RIT2: variants seen among roughly 807,000 people sequenced by gnomAD.
RIT2 encodes Ras like without CAAX 2, also known as GTP-binding protein Rit2.
Under a neutral mutation model 23.7 loss-of-function variants are expected in RIT2, and 24 were observed. The observed-to-expected ratio is 1.01, with a 90% confidence interval of 0.73 to 1.43. The LOEUF (loss-of-function observed/expected upper bound fraction) is 1.43, where lower values mean the gene tolerates loss of function less well. RIT2 is among the 40% of genes most tolerant of loss of function. The pLI, the probability that RIT2 is intolerant of heterozygous loss-of-function variation, is 0.00. For missense variants in RIT2, 236 were observed against 266.9 expected (o/e 0.88, Z 0.81); for synonymous variants, 107 against 91.1 (o/e 1.17, Z -0.99).
chr18:43,066,290 T>C (rs1010685901), intron 1 of RIT2, among the ~76,000 whole-genome samples: 13 of 152,150 alleles, frequency 8.5e-5, no homozygotes, highest in Non-Finnish European at 1.9e-4. Flanking sequence ...TGATTTATGA[T>C]TGGCTATTTA....
chr18:43,093,977 C>A (rs1241148317), intron 1 of RIT2, among the ~76,000 whole-genome samples: 3 of 151,888 alleles, frequency 2.0e-5, no homozygotes, highest in South Asian at 2.1e-4. Context: ...GTAAGGCAGG[C>A]ACAGAATTTG....
intron 4 of RIT2, among the ~76,000 whole-genome samples, chr18:42,748,182 T>C (rs967076257): frequency 6.6e-6 from 1 of 151,936 alleles, no homozygotes; most frequent in African/African-American, 2.4e-5. Context: ...CTCCAGAGTC[T>C]ATACATTTGA....
chr18:42,883,953 T>C (rs1311149323), intron 4 of RIT2, among the ~76,000 whole-genome samples: 2 of 152,208 alleles, frequency 1.3e-5, no homozygotes, highest in African/African-American at 4.8e-5. Flanking sequence ...TAAAAGTTTG[T>C]AGGTTACTCA....
intron 2 of RIT2, among the ~76,000 whole-genome samples, chr18:42,988,448 A>G (rs1027465923): frequency 2.6e-5 from 4 of 152,164 alleles, no homozygotes; most frequent in African/African-American, 7.2e-5. Flanking sequence ...TTGAGTAAAT[A>G]CATTTCTGAC....
intron 4 of RIT2, among the ~76,000 whole-genome samples, chr18:42,825,973 G>T (rs952539992): frequency 1.1e-4 from 17 of 151,838 alleles, no homozygotes; most frequent in African/African-American, 4.1e-4. Context: ...ATTAATTATT[G>T]CCCTGTGGAT....
intron 3 of RIT2, among the ~76,000 whole-genome samples, chr18:42,929,525 G>T (rs1336275614): frequency 6.6e-6 from 1 of 152,098 alleles, no homozygotes; most frequent in Non-Finnish European, 1.5e-5. Context: ...GAGGCTTGAA[G>T]GGTACTTGGA....
chr18:42,895,680 A>T (rs1337191689), intron 4 of RIT2, among the ~76,000 whole-genome samples: 1 of 152,060 alleles, frequency 6.6e-6, no homozygotes, highest in Non-Finnish European at 1.5e-5. Flanking sequence ...ATTATTGTCC[A>T]GGATTTTCAC....
intron 4 of RIT2, among the ~76,000 whole-genome samples, chr18:42,884,914 C>A (rs1305156253): frequency 6.6e-6 from 1 of 152,174 alleles, no homozygotes; most frequent in African/African-American, 2.4e-5. Context: ...CTTAAAATAT[C>A]CACCCCATCA....
intron 1 of RIT2, among the ~76,000 whole-genome samples, chr18:43,060,357 G>A (rs1029228040): frequency 4.6e-5 from 7 of 152,138 alleles, no homozygotes; most frequent in Non-Finnish European, 8.8e-5. Flanking sequence ...CTAGAAAGGA[G>A]TCTGAATGCC....
intron 2 of RIT2, among the ~76,000 whole-genome samples, chr18:43,026,459 T>C (rs1260831425): frequency 1.3e-5 from 2 of 150,976 alleles, no homozygotes; most frequent in Non-Finnish European, 3.0e-5. Flanking sequence ...AAGGCTGAAG[T>C]AGGAGAATCA....
Position 42,891,740 on chromosome 18 carries a change from G to A in RIT2, c.426+31832C>T, listed in dbSNP as rs748719527. Among the ~76,000 whole-genome samples, 7 of 152,244 alleles carry A rather than the reference G, an allele frequency of 4.6e-5. No individual in the cohort carries two copies. The South Asian group carries it at 6.2e-4, about 14-fold the overall frequency. The stretch of plus-strand genomic sequence containing the variant: ...GTGCCGTGGTTGCTAGGGGTAAAGG[G>A]GGAGGGAGAGATGAATAAGCAGGGC... On this transcript the variant is annotated intron_variant, in intron 4 of 4. Transcript: ENST00000326695.
intron 2 of RIT2, among the ~76,000 whole-genome samples, chr18:42,987,015 T>G (rs544001602): frequency 6.6e-6 from 1 of 152,120 alleles, no homozygotes; most frequent in East Asian, 1.9e-4. Flanking sequence ...ATACTGCAGA[T>G]GGTGTGTAAA....
At chr18:42,785,365 C>A (rs1913899052) in intron 4 of RIT2, among the ~76,000 whole-genome samples, 1 of 151,576 alleles carries the variant, frequency 6.6e-6, no homozygotes, top group African/African-American at 2.4e-5. Context: ...CTTTAAAGTT[C>A]TGTTTATAAT....
Position 42,813,999 on chromosome 18 carries a change from C to G in RIT2, c.427-70279G>C, listed in dbSNP as rs189051752. ...TTATGGGAGAAGATTCTAACCCTAC[C>G]TGGAGCTGAGTCAATTGAGAGAGCT... is the stretch of plus-strand genomic sequence containing the variant. On this transcript the variant is annotated intron_variant, in intron 4 of 4. Transcript: ENST00000326695. Among the ~76,000 whole-genome samples the G allele has an allele frequency of 3.1e-3, 476 of 152,266 alleles. 2 individuals carry two copies. Among genetic ancestry groups the G allele is most frequent in the African/African-American group, 9.6e-3 (400 of 41,544 alleles).
chr18:42,966,423 A>G (rs1336592657), intron 3 of RIT2, among the ~76,000 whole-genome samples: 1 of 152,200 alleles, frequency 6.6e-6, no homozygotes, highest in Non-Finnish European at 1.5e-5. Context: ...TAGTACTCTT[A>G]TGACAAGTAT....
chr18:42,914,040 G>A (rs148826777), intron 4 of RIT2, among the ~76,000 whole-genome samples: 236 of 152,102 alleles, frequency 1.6e-3, no homozygotes, highest in African/African-American at 5.4e-3. Context: ...CTTAACTGTA[G>A]AGGATATTCA....
chr18:42,829,315 G>A (rs1023216085), intron 4 of RIT2, among the ~76,000 whole-genome samples: 3 of 152,072 alleles, frequency 2.0e-5, no homozygotes, highest in East Asian at 1.9e-4. Context: ...AATTACAAAA[G>A]TAAAAGTAAT....
chr18:42,747,394 T>A (rs1912942865), intron 4 of RIT2, among the ~76,000 whole-genome samples: 1 of 151,978 alleles, frequency 6.6e-6, no homozygotes, highest in Non-Finnish European at 1.5e-5. Context: ...TTCAAAGAAA[T>A]CATAGACGAC....
intron 3 of RIT2, among the ~76,000 whole-genome samples, chr18:42,960,055 T>C (rs552667021): frequency 1.3e-5 from 2 of 152,328 alleles, no homozygotes; most frequent in Non-Finnish European, 2.9e-5. Context: ...TTCAACTCTA[T>C]AGATTAATTG....
Sources: gnomAD v4.1 joint callset for allele counts (sites outside exome capture counted in the v4.1 genomes callset) on GRCh38, gnomAD v4.1.1 for gene constraint, MANE v1.5 for transcripts, NCBI Gene and HGNC (gene_info 2026-07-23, HGNC 2026-07-21) for gene names.